PEBP1: variants seen among roughly 807,000 people sequenced by gnomAD.
PEBP1 encodes phosphatidylethanolamine binding protein 1.
In PEBP1, 17 loss-of-function variants were observed where a neutral mutation model predicts 22.7. The ratio of observed to expected loss-of-function variants is 0.75; its 90% confidence interval spans 0.51 to 1.12. PEBP1 has a LOEUF of 1.12. Ranked by LOEUF, PEBP1 falls within the 50% of genes most tolerant of loss-of-function variation. PEBP1 has a pLI of 0.00. For missense variants in PEBP1, 205 were observed against 243.5 expected (o/e 0.84, Z 1.05); for synonymous variants, 106 against 104.3 (o/e 1.02, Z -0.10).
Position 118,139,502 on chromosome 12 carries a change from T to C in PEBP1, c.297T>C (p.Ser99=). 6.2e-7 allele frequency: 1 copy of C among 1,613,570 alleles called. No homozygotes were observed. Among genetic ancestry groups the C allele is most frequent in the South Asian group, 1.1e-5 (1 of 91,058 alleles). ...ACATGAAGGGCAATGACATCAGCAG[T>C]GGCACAGTCCTCTCCGATTATGTGG... ...VVNMKGNDIS[S]GTVLSDYVGS... is the part of the protein sequence containing the mutation. The change falls in exon 3 of 4, where the codon AGT becomes AGC. Residue 99 remains serine, a synonymous_variant. Transcript: ENST00000261313.
rs573163624 is a variant in PEBP1, at chr12:118,139,061, T to C, written c.246-390T>C. ...CGGGCGCGGTGGCTCATGCCTGTAA[T>C]TCCAGCACTTTGGGAGGCCGAGTCG... On this transcript the variant is annotated intron_variant, in intron 2 of 3. Coordinates refer to ENST00000261313, the MANE Select transcript of PEBP1 (RefSeq NM_002567.4). 1.1e-4 allele frequency: 26 copies of C among 233,030 alleles called. No individual in the cohort carries two copies. The South Asian group carries it at 1.2e-3, about 10-fold the overall frequency. The allele number at this position is 233,030 out of a possible 1,614,324, so 14.4% of individuals were successfully genotyped here. A position where few individuals can be genotyped will look rare whatever the true frequency, so the allele number is the denominator to read the frequency against.
chr12:118,144,523 G>A (rs973240424), intron 3 of PEBP1, 63 bp from the exon 4 acceptor site: 5 of 1,479,704 alleles, frequency 3.4e-6, no homozygotes, highest in South Asian at 2.4e-5. Context: ...CGATAAAAAT[G>A]GATGATGTCC....
At chr12:118,137,886 C>T (rs2034079978) in intron 1 of PEBP1, among the ~76,000 whole-genome samples, 153 bp from the exon 2 acceptor site, 1 of 152,064 alleles carries the variant, frequency 6.6e-6, no homozygotes, top group African/African-American at 2.4e-5. Flanking sequence ...CAGGTTTCAC[C>T]GTGTTGGCCA....
chr12:118,143,545 A>G (rs1175434262), intron 3 of PEBP1, among the ~76,000 whole-genome samples: 10 of 152,162 alleles, frequency 6.6e-5, no homozygotes, highest in African/African-American at 2.4e-4. Flanking sequence ...CTTCTTGGCT[A>G]TTGTGAATAC....
chr12:118,137,989 T>C, intron 1 of PEBP1, 50 bp from the exon 2 acceptor site: 2 of 1,296,624 alleles, frequency 1.5e-6, no homozygotes, highest in Non-Finnish European at 2.2e-6. Flanking sequence ...ACCCAGCCAG[T>C]TTCTTCAGCA....
intron 3 of PEBP1, among the ~76,000 whole-genome samples, chr12:118,140,977 A>G (rs1225277641): frequency 6.6e-6 from 1 of 152,134 alleles, no homozygotes. Context: ...TGATCAATGC[A>G]TACACCCATG....
intron 3 of PEBP1, among the ~76,000 whole-genome samples, chr12:118,142,980 G>A (rs2034127297): frequency 6.7e-6 from 1 of 150,044 alleles, no homozygotes. Flanking sequence ...GAGAAGCTGG[G>A]ACTACAGGCA....
intron 3 of PEBP1, 115 bp from the exon 4 acceptor site, chr12:118,144,471 C>T (rs2034138897): frequency 1.0e-6 from 1 of 973,228 alleles, no homozygotes; most frequent in Non-Finnish European, 1.6e-6. Flanking sequence ...CGGTGTCCTC[C>T]TTGTAAATGG....
intron 3 of PEBP1, among the ~76,000 whole-genome samples, chr12:118,142,826 C>CTTTTTTT (rs374392598): frequency 1.6e-4 from 15 of 93,638 alleles, no homozygotes; most frequent in South Asian, 8.6e-4. Flanking sequence ...ACTACATTCA[C>CTTTTTTT]TTTTTTTTTT....
intron 2 of PEBP1, chr12:118,139,115 C>A: frequency 3.5e-6 from 1 of 288,384 alleles, no homozygotes; most frequent in South Asian, 2.9e-5. Context: ...GAGTTCAAGA[C>A]CAGTCTGGCC....
In PEBP1 at chr12:118,144,696, TC is replaced by T; in HGVS notation, c.459del (p.Phe154SerfsTer59). The T allele has an allele frequency of 6.2e-7, 1 of 1,614,104 alleles. No individual in the cohort carries two copies. The highest frequency in any genetic ancestry group is 8.5e-7 in the Non-Finnish European group (1 of 1,180,018). ...GDHRGKFKVA[S>X]FRKKYELRAP... The stretch of plus-strand genomic sequence containing the variant: ...CCACCGTGGCAAATTCAAGGTGGCG[TC>T]CTTCCGTAAAAAGTATGAGCTCAGG... On this transcript the variant is annotated frameshift_variant, in exon 4 of 4. Transcript: ENST00000261313. LOFTEE classifies it high-confidence loss of function.
chr12:118,140,889 T>A (rs1406644553), intron 3 of PEBP1, among the ~76,000 whole-genome samples: 1 of 152,126 alleles, frequency 6.6e-6, no homozygotes, highest in Non-Finnish European at 1.5e-5. Flanking sequence ...TTCTTGTTGT[T>A]TTTTCCATAT....
intron 3 of PEBP1, among the ~76,000 whole-genome samples, chr12:118,140,574 C>CT (rs1325096609): frequency 6.6e-6 from 1 of 150,840 alleles, no homozygotes; most frequent in Non-Finnish European, 1.5e-5. Context: ...GAGTCTTGCT[C>CT]TGTCTCCCAG....
At position 118,136,441 on chromosome 12, in the gene PEBP1, G is replaced by C. The variant is rs1330667735; in HGVS notation, c.135+97G>C. 2.2e-6 allele frequency: 3 copies of C among 1,389,866 alleles called. No homozygotes were observed. Among genetic ancestry groups the C allele is most frequent in the Non-Finnish European group, 2.8e-6 (3 of 1,053,406 alleles). The allele number at this position is 1,389,866 out of a possible 1,614,324, so 86.1% of individuals were successfully genotyped here. ...AGCGGAGACAGGGCCAGGGGCGGTG[G>C]GGAGGTTCAGCCTGCGTGTGTCGAG... is the stretch of plus-strand genomic sequence containing the variant. On this transcript the variant is annotated intron_variant, in intron 1 of 3. Transcript: ENST00000261313. The surrounding 1 kb of genome is among the most constrained non-coding windows in gnomAD (Gnocchi z 5.6).
Position 118,136,153 on chromosome 12 carries a change from T to C in PEBP1, c.-57T>C, listed in dbSNP as rs1257328224. On this transcript the variant is annotated 5_prime_UTR_variant, in exon 1 of 4. Transcript: ENST00000261313. The surrounding 1 kb of genome is among the most constrained non-coding windows in gnomAD (Gnocchi z 5.6). Reference sequence around the variant, plus strand: ...TGCTGAGCTCTCCGCGTCGCCTCTGTCGCCCGCGCCTGGCCTACCGCGGCA... The same window carrying C: ...TGCTGAGCTCTCCGCGTCGCCTCTGCCGCCCGCGCCTGGCCTACCGCGGCA... 1.0e-5 allele frequency: 16 copies of C among 1,533,288 alleles called. No individual in the cohort carries two copies. Among genetic ancestry groups the C allele is most frequent in the Admixed American group, 2.0e-5 (1 of 50,782 alleles). 95.0% of individuals were successfully genotyped at this position (1,533,288 alleles called of 1,614,324 possible).
At chr12:118,142,746 G>A (rs1857200284) in intron 3 of PEBP1, among the ~76,000 whole-genome samples, 1 of 151,102 alleles carries the variant, frequency 6.6e-6, no homozygotes, top group Admixed American at 6.6e-5. Flanking sequence ...CAAAGTGCTG[G>A]GATTACAGGT....
At position 118,136,609 on chromosome 12, in the gene PEBP1, A is replaced by G. The variant is rs1046380393; in HGVS notation, c.135+265A>G. ...ACTTTTCCCGGGCTTCAGACCCAAG[A>G]GGGACCTAGGTTCGGAAACAGGCCG... On this transcript the variant is annotated intron_variant, in intron 1 of 3. Coordinates refer to ENST00000261313, the MANE Select transcript of PEBP1 (RefSeq NM_002567.4). The surrounding 1 kb of genome is among the most constrained non-coding windows in gnomAD (Gnocchi z 5.6). Among the ~76,000 whole-genome samples, 1 of 152,146 alleles carries G rather than the reference A, an allele frequency of 6.6e-6. No homozygotes were observed. The highest frequency in any genetic ancestry group is 2.4e-5 in the African/African-American group (1 of 41,434).
chr12:118,141,065 T>G (rs1177655590), intron 3 of PEBP1, among the ~76,000 whole-genome samples: 1 of 151,690 alleles, frequency 6.6e-6, no homozygotes, highest in Non-Finnish European at 1.5e-5. Flanking sequence ...TTACTTAAAT[T>G]CCCCCAGAGC....
In PEBP1 at chr12:118,136,423, A is replaced by T; in HGVS notation, c.135+79A>T. 6.9e-7 allele frequency: 1 copy of T among 1,454,086 alleles called. No individual in the cohort carries two copies. The highest frequency in any genetic ancestry group is 9.1e-7 in the Non-Finnish European group (1 of 1,101,908). The allele number at this position is 1,454,086 out of a possible 1,614,324, so 90.1% of individuals were successfully genotyped here. On this transcript the variant is annotated intron_variant, in intron 1 of 3. Transcript: ENST00000261313. This position sits in a 1 kb window ranked among gnomAD's most constrained non-coding sequence, Gnocchi z 5.6. ...GCCTCCTGGGTGGGACCCAGCGGAG[A>T]CAGGGCCAGGGGCGGTGGGGAGGTT...
Sources: gnomAD v4.1 joint callset for allele counts (sites outside exome capture counted in the v4.1 genomes callset) on GRCh38, gnomAD v4.1.1 for gene constraint, Gnocchi (gnomAD v3.1) non-coding constraint, MANE v1.5 for transcripts, NCBI Gene and HGNC (gene_info 2026-07-23, HGNC 2026-07-21) for gene names.